The following COX15 variants were observed in gnomAD, a reference collection of about 807,000 sequenced individuals.
The protein encoded by COX15 is heme A synthase COX15.
COX15 carries 51 observed loss-of-function variants against 51.9 expected under a neutral mutation model. That is an observed-to-expected ratio of 0.98 (90% CI 0.78 to 1.24). The LOEUF is 1.24. COX15 is among the 50% of genes most tolerant of loss of function. The probability of loss-of-function intolerance (pLI) is 0.00; values close to 1 mark genes in which losing one functional copy is unlikely to be tolerated. For synonymous variants in COX15, 188 were observed against 190.5 expected (o/e 0.99, Z 0.11); for missense variants, 420 against 501.1 (o/e 0.84, Z 1.55).
At chr10:99,704,505 C>A in the COX15 span, 2 of 1,614,218 alleles carry the variant, frequency 1.2e-6, no homozygotes, top group South Asian at 1.1e-5. Flanking sequence ...TTCCGTCTCT[C>A]CTTTGTATAC....
chr10:99,727,354 G>T, intron 3 of COX15, 87 bp downstream of exon 3: 1 of 1,572,400 alleles, frequency 6.4e-7, no homozygotes, highest in Non-Finnish European at 8.7e-7. Flanking sequence ...CGAAGTTCAT[G>T]AAATAATCTA....
intron 1 of COX15, among the ~76,000 whole-genome samples, chr10:99,730,745 C>T (rs1182691355): frequency 6.6e-6 from 1 of 152,084 alleles, no homozygotes; most frequent in African/African-American, 2.4e-5. Flanking sequence ...AGAAAAATTA[C>T]AGTAAAAATA....
intron 6 of COX15, among the ~76,000 whole-genome samples, chr10:99,720,245 G>C (rs1003653250): frequency 5.9e-5 from 9 of 152,122 alleles, no homozygotes; most frequent in African/African-American, 2.2e-4. Flanking sequence ...AGAAGTTCGA[G>C]GCCAGCCTGG....
chr10:99,702,524 TA>T, the COX15 span: 1 of 1,576,780 alleles, frequency 6.3e-7, no homozygotes, highest in East Asian at 2.3e-5. Flanking sequence ...ATCAGTGTTT[TA>T]AATCGGCTTG....
the COX15 span, among the ~76,000 whole-genome samples, chr10:99,702,345 CAAGAT>C: frequency 1.3e-5 from 2 of 152,200 alleles, no homozygotes; most frequent in East Asian, 3.9e-4. Context: ...GTGGTAAACA[CAAGAT>C]AAGTAGGCTG....
chr10:99,704,563 C>T, the COX15 span: 5 of 1,614,208 alleles, frequency 3.1e-6, no homozygotes, highest in South Asian at 1.1e-5. Flanking sequence ...TACTGGCCAT[C>T]TTCCTATACC....
chr10:99,711,594 C>T lies in COX15; in HGVS notation c.*2993G>A, dbSNP rs1380484789. 3 of 985,058 alleles carry T rather than the reference C, an allele frequency of 3.0e-6. No homozygotes were observed. Among genetic ancestry groups the T allele is most frequent in the Non-Finnish European group, 3.6e-6 (3 of 829,740 alleles). The allele number at this position is 985,058 out of a possible 1,614,324, so 61.0% of individuals were successfully genotyped here. ...CCAGTGGTCCCTAGACTTGTCTGCA[C>T]ATTGGAATCACCTGGGGAACTTTAA... On this transcript the variant is annotated 3_prime_UTR_variant, in exon 9 of 9. Transcript: ENST00000016171.
intron 6 of COX15, among the ~76,000 whole-genome samples, chr10:99,720,660 G>A (rs1026483610): frequency 2.6e-5 from 4 of 152,148 alleles, no homozygotes; most frequent in Admixed American, 2.0e-4. Flanking sequence ...TACTGTTGTC[G>A]TAATCTCCAT....
intron 2 of COX15, 38 bp downstream of exon 2, chr10:99,729,515 G>T: frequency 2.6e-6 from 4 of 1,540,810 alleles, no homozygotes; most frequent in Middle Eastern, 1.7e-4. Flanking sequence ...TTCTACTGAT[G>T]ATCCAAATAC....
downstream of COX15, among the ~76,000 whole-genome samples, chr10:99,707,685 T>TAGG (rs1455013816): frequency 1.3e-5 from 2 of 152,232 alleles, no homozygotes; most frequent in African/African-American, 4.8e-5. Context: ...AACATCAAAA[T>TAGG]AGGAGTCCGT....
the COX15 span, chr10:99,695,988 C>T: frequency 3.5e-5 from 57 of 1,613,816 alleles, no homozygotes; most frequent in Non-Finnish European, 4.2e-5. Flanking sequence ...TGGCTGAGTT[C>T]AACCTGGGCT....
the COX15 span, among the ~76,000 whole-genome samples, chr10:99,696,539 T>G: frequency 6.6e-6 from 1 of 152,256 alleles, no homozygotes; most frequent in Non-Finnish European, 1.5e-5. Context: ...TTCTGTAGTA[T>G]GTCTAAAAGA....
At chr10:99,729,118 TCG>T (rs1312366887) in intron 2 of COX15, among the ~76,000 whole-genome samples, 5 of 152,196 alleles carry the variant, frequency 3.3e-5, no homozygotes, top group Admixed American at 1.3e-4. Flanking sequence ...CTTTAAGGCC[TCG>T]GTTTCTCCAT....
the COX15 span, chr10:99,704,781 C>T: frequency 8.9e-7 from 1 of 1,120,064 alleles, no homozygotes; most frequent in Non-Finnish European, 1.3e-6. Flanking sequence ...GATGTCTGAC[C>T]TTGTGGATAT....
Position 99,713,190 on chromosome 10 carries a change from T to G in COX15, c.*1397A>C. The G allele has an allele frequency of 1.5e-6, 2 of 1,379,172 alleles. No individual in the cohort carries two copies. The highest frequency in any genetic ancestry group is 1.9e-6 in the Non-Finnish European group (2 of 1,056,614). The allele number at this position is 1,379,172 out of a possible 1,614,324, so 85.4% of individuals were successfully genotyped here. A position where few individuals can be genotyped will look rare whatever the true frequency, so the allele number is the denominator to read the frequency against. On this transcript the variant is annotated 3_prime_UTR_variant, in exon 9 of 9. Coordinates refer to ENST00000016171, the MANE Select transcript of COX15 (RefSeq NM_078470.6). ...CATATAATAACAACATGAATACTAC[T>G]TGGTTCATATTGAACCTGAGGACAA...
chr10:99,720,811 AAGT>A (rs2036737960), intron 6 of COX15, among the ~76,000 whole-genome samples, 173 bp downstream of exon 6: 1 of 149,736 alleles, frequency 6.7e-6, no homozygotes, highest in African/African-American at 2.5e-5. Flanking sequence ...ATTGACAGTA[AAGT>A]AGAATTTTTG....
the COX15 span, among the ~76,000 whole-genome samples, chr10:99,701,298 T>C: frequency 6.6e-6 from 1 of 152,026 alleles, no homozygotes; most frequent in Non-Finnish European, 1.5e-5. Context: ...TGATTTTTTT[T>C]TTTTTTTGAG....
chr10:99,704,589 G>T, the COX15 span: 1 of 1,614,112 alleles, frequency 6.2e-7, no homozygotes, highest in African/African-American at 1.3e-5. Context: ...CGGCTACGCC[G>T]AATTCACCAC....
At chr10:99,724,766 C>T (rs2036897220) in intron 4 of COX15, among the ~76,000 whole-genome samples, 1 of 151,040 alleles carries the variant, frequency 6.6e-6, no homozygotes. Context: ...GGATATATCT[C>T]ATAAAACTAG....
Sources: gnomAD v4.1 joint callset for allele counts (sites outside exome capture counted in the v4.1 genomes callset) on GRCh38, gnomAD v4.1.1 for gene constraint, MANE v1.5 for transcripts, NCBI Gene and HGNC (gene_info 2026-07-23, HGNC 2026-07-21) for gene names.